The following NPAP1 variants were observed in gnomAD, a reference collection of about 807,000 sequenced individuals.
NPAP1 encodes nuclear pore associated protein 1.
For missense variants in NPAP1, 1,483 were observed against 1,454.5 expected, an observed-to-expected ratio of 1.02 and a Z score of -0.32; for synonymous variants, 616 against 581.4, an observed-to-expected ratio of 1.06 and a Z score of -0.86.
chr15:24,677,144 T>C lies in NPAP1; in HGVS notation c.1277T>C (p.Ile426Thr), dbSNP rs201422992. Residue 426 changes from isoleucine to threonine, a missense_variant, in exon 1 of 1, where the codon ATC (isoleucine) becomes ACC (threonine). Ile to Thr is a moderately conservative substitution (Grantham distance 89). Transcript: ENST00000329468. Reference protein sequence around the residue: ...YTSQVSAPLPIPDLADLATGP... With the variant: ...YTSQVSAPLPTPDLADLATGP... ...TCCCAGGTCTCAGCTCCTTTGCCCA[T>C]CCCTGACTTGGCTGACCTGGCTACT... 1 of 1,614,054 alleles carries C rather than the reference T, an allele frequency of 6.2e-7. No homozygotes were observed. The highest frequency in any genetic ancestry group is 1.1e-5 in the South Asian group (1 of 91,078).
At position 24,682,239 on chromosome 15, in the gene NPAP1, C is replaced by T. The variant is rs1210395025; in HGVS notation, c.*2901C>T. ...TTCCAGAGGATCAAAGCTCCTGTTT[C>T]CTGGCCAGATAATCACCTAACTTTT... On this transcript the variant is annotated 3_prime_UTR_variant, in exon 1 of 1. Transcript: ENST00000329468. 1 of 167,014 alleles carries T rather than the reference C, an allele frequency of 6.0e-6. No individual in the cohort carries two copies. The highest frequency in any genetic ancestry group is 1.5e-5 in the Non-Finnish European group (1 of 68,110). 10.3% of individuals were successfully genotyped at this position (167,014 alleles called of 1,614,324 possible). A position where few individuals can be genotyped will look rare whatever the true frequency, so the allele number is the denominator to read the frequency against.
chr15:24,680,686 T>G lies in NPAP1; in HGVS notation c.*1348T>G, dbSNP rs192419572. On this transcript the variant is annotated 3_prime_UTR_variant, in exon 1 of 1. Coordinates refer to ENST00000329468, the MANE Select transcript of NPAP1 (RefSeq NM_018958.3). ...AGAACCGCACTGTATTTTAGTGGTCTTCTGCACTGTGGAGGGTAGAGGAAA... is the reference window on the plus strand; with the variant it reads ...AGAACCGCACTGTATTTTAGTGGTCGTCTGCACTGTGGAGGGTAGAGGAAA... 3 of 163,344 alleles carry G rather than the reference T, an allele frequency of 1.8e-5. No individual in the cohort carries two copies. The East Asian group carries it at 5.8e-4, about 32-fold the overall frequency. The allele number at this position is 163,344 out of a possible 1,614,324, so 10.1% of individuals were successfully genotyped here.
rs1595614511 is a variant in NPAP1, at chr15:24,675,907, C to T, written c.40C>T (p.Arg14Cys). The change falls in exon 1 of 1, where the codon CGC becomes TGC. Residue 14 changes from arginine to cysteine, a missense_variant. Coordinates refer to ENST00000329468, the MANE Select transcript of NPAP1 (RefSeq NM_018958.3). ...LLSKFRPGCR[R>C]RPLPGPGRGA... Reference sequence around the variant, plus strand: ...TAGTAAATTTAGACCCGGGTGCCGCCGCCGGCCCCTGCCAGGGCCAGGGCG... The same window carrying T: ...TAGTAAATTTAGACCCGGGTGCCGCTGCCGGCCCCTGCCAGGGCCAGGGCG... 1.9e-6 allele frequency: 3 copies of T among 1,579,574 alleles called. No individual in the cohort carries two copies. Among genetic ancestry groups the T allele is most frequent in the East Asian group, 4.7e-5 (2 of 42,686 alleles).
chr15:24,676,101 G>A lies in NPAP1; in HGVS notation c.234G>A (p.Ala78=). 6.4e-7 allele frequency: 1 copy of A among 1,560,764 alleles called. No homozygotes were observed. The highest frequency in any genetic ancestry group is 8.6e-7 in the Non-Finnish European group (1 of 1,156,552). Residue 78 remains alanine, a synonymous_variant, in exon 1 of 1, where the codon GCG becomes GCA. Transcript: ENST00000329468. ...PKRPCPLPRA[A]AAPLGVLPAV... ...GGCCGTGTCCTCTCCCTCGGGCTGC[G>A]GCCGCCCCTCTGGGGGTCCTGCCGG... is the stretch of plus-strand genomic sequence containing the variant.
rs748589522 is a variant in NPAP1 at position 24,678,033 on chromosome 15, A to G, written c.2166A>G (p.Pro722=). The change falls in exon 1 of 1, where the codon CCA becomes CCG. Residue 722 remains proline (P), a synonymous_variant. Coordinates refer to ENST00000329468, the MANE Select transcript of NPAP1 (RefSeq NM_018958.3). ...CCTCTGTCTCCAAGAAGTACCTCCC[A>G]TTTTACCTGGGGCTTCCTGGTTCTG... ...QSASVSKKYL[P]FYLGLPGSGN... 4.3e-6 allele frequency: 7 copies of G among 1,613,466 alleles called. No individual in the cohort carries two copies. The highest frequency in any genetic ancestry group is 5.9e-6 in the Non-Finnish European group (7 of 1,179,962).
Position 24,678,788 on chromosome 15 carries a change from A to G in NPAP1, c.2921A>G (p.Asn974Ser), listed in dbSNP as rs749060463. 24 of 1,614,092 alleles carry G rather than the reference A, an allele frequency of 1.5e-5. No homozygotes were observed. Among genetic ancestry groups the G allele is most frequent in the Middle Eastern group, 1.6e-4 (1 of 6,084 alleles). ...VEGHNASAFP[N>S]GTAKTSGFRI... ...GGTCACAATGCAAGTGCTTTCCCCA[A>G]TGGCACAGCAAAGACTTCTGGATTT... The change falls in exon 1 of 1, where the codon AAT becomes AGT. Residue 974 changes from asparagine to serine, a missense_variant. Physicochemically the swap from Asn to Ser is conservative, Grantham distance 46. Coordinates refer to ENST00000329468, the MANE Select transcript of NPAP1 (RefSeq NM_018958.3).
At chr15:24,676,590 CA>C in the NPAP1 span, 1 of 1,614,068 alleles carries the variant, frequency 6.2e-7, no homozygotes, top group Non-Finnish European at 8.5e-7. Context: ...CCATGCCCAG[CA>C]CACACAGCCA....
In NPAP1 at chr15:24,677,621, A is replaced by G. The variant is rs1025610369; in HGVS notation, c.1754A>G (p.Gln585Arg). Residue 585 changes from glutamine (Q) to arginine (R), a missense_variant, in exon 1 of 1, where the codon CAG becomes CGG. Coordinates refer to ENST00000329468, the MANE Select transcript of NPAP1 (RefSeq NM_018958.3). ...VVNMDTTAPS[Q>R]VVIFTSSLSS... is the part of the protein sequence containing the mutation. ...AATATGGATACTACTGCCCCATCTC[A>G]GGTTGTTATTTTCACATCTTCCCTA... 2 of 1,614,078 alleles carry G rather than the reference A, an allele frequency of 1.2e-6. No homozygotes were observed. Among genetic ancestry groups the G allele is most frequent in the Non-Finnish European group, 1.7e-6 (2 of 1,179,988 alleles).
Position 24,677,107 on chromosome 15 carries a change from A to G in NPAP1, c.1240A>G (p.Thr414Ala), listed in dbSNP as rs769194891. The G allele has an allele frequency of 6.2e-7, 1 of 1,614,026 alleles. No individual in the cohort carries two copies. The highest frequency in any genetic ancestry group is 8.5e-7 in the Non-Finnish European group (1 of 1,180,012). ...PVQTTDSLPLTTYTSQVSAPL... is the reference protein window; with the variant it reads ...PVQTTDSLPLATYTSQVSAPL... ...GCAGACCACAGACTCCCTGCCCCTGACCACTTACACTTCCCAGGTCTCAGC... is the reference window on the plus strand; with the variant it reads ...GCAGACCACAGACTCCCTGCCCCTGGCCACTTACACTTCCCAGGTCTCAGC... Residue 414 changes from threonine (T) to alanine (A), a missense_variant, in exon 1 of 1, where the codon ACC (threonine) becomes GCC (alanine). Transcript: ENST00000329468.
Position 24,675,917 on chromosome 15 carries a change from T to TGCCAGG in NPAP1, c.59_64dup (p.Pro20_Gly21dup). Reference sequence around the variant, plus strand: ...AGACCCGGGTGCCGCCGCCGGCCCCTGCCAGGGCCAGGGCGTGGCGCCCCC... The same window carrying TGCCAGG: ...AGACCCGGGTGCCGCCGCCGGCCCCTGCCAGGGCCAGGGCCAGGGCGTGGCGCCCCC... On this transcript the variant is annotated inframe_insertion, in exon 1 of 1. Transcript: ENST00000329468. The TGCCAGG allele has an allele frequency of 6.3e-7, 1 of 1,585,060 alleles. No individual in the cohort carries two copies.
Position 24,679,359 on chromosome 15 carries a change from A to T in NPAP1, c.*21A>T, listed in dbSNP as rs2049002146. On this transcript the variant is annotated 3_prime_UTR_variant, in exon 1 of 1. Coordinates refer to ENST00000329468, the MANE Select transcript of NPAP1 (RefSeq NM_018958.3). ...CGTAAGAGCACCTGTGGTTCACCTG[A>T]TCACACCACATCAGTTGTGGTTGTA... The T allele has an allele frequency of 6.7e-7, 1 of 1,491,128 alleles. No individual in the cohort carries two copies. Among genetic ancestry groups the T allele is most frequent in the African/African-American group, 1.4e-5 (1 of 72,308 alleles). 92.4% of individuals were successfully genotyped at this position (1,491,128 alleles called of 1,614,324 possible).
At position 24,678,206 on chromosome 15, in the gene NPAP1, C is replaced by T. The variant is rs139282108; in HGVS notation, c.2339C>T (p.Pro780Leu). 4.8e-5 allele frequency: 77 copies of T among 1,608,718 alleles called. No homozygotes were observed. Among genetic ancestry groups the T allele is most frequent in the Non-Finnish European group, 5.5e-5 (65 of 1,178,102 alleles). Residue 780 changes from proline (P) to leucine (L), a missense_variant, in exon 1 of 1, where the codon CCG (proline) becomes CTG (leucine). Coordinates refer to ENST00000329468, the MANE Select transcript of NPAP1 (RefSeq NM_018958.3). Reference protein sequence around the residue: ...PQPKFGAPDGPQQKTSLPSAH... With the variant: ...PQPKFGAPDGLQQKTSLPSAH... ...CCCAAATTTGGGGCCCCTGATGGGC[C>T]GCAGCAGAAAACCTCTCTCCCCAGT...
rs758164684 is a variant in NPAP1 at position 24,675,887 on chromosome 15, A to T, written c.20A>T (p.Lys7Ile). The change falls in exon 1 of 1, where the codon AAA (lysine) becomes ATA (isoleucine). Residue 7 changes from lysine to isoleucine, a missense_variant. Lys to Ile is a moderately radical substitution (Grantham distance 102). Transcript: ENST00000329468. Reference sequence around the variant, plus strand: ...CTCTAAATGGGCAATTTACTTAGTAAATTTAGACCCGGGTGCCGCCGCCGG... The same window carrying T: ...CTCTAAATGGGCAATTTACTTAGTATATTTAGACCCGGGTGCCGCCGCCGG... MGNLLS[K>I]FRPGCRRRPL... 2.5e-6 allele frequency: 4 copies of T among 1,572,234 alleles called. No individual in the cohort carries two copies. The highest frequency in any genetic ancestry group is 1.2e-5 in the South Asian group (1 of 86,124).
In NPAP1 at chr15:24,676,630, C is replaced by T. The variant is rs2141308431; in HGVS notation, c.763C>T (p.Pro255Ser). 1 of 1,613,852 alleles carries T rather than the reference C, an allele frequency of 6.2e-7. No individual in the cohort carries two copies. Among genetic ancestry groups the T allele is most frequent in the Non-Finnish European group, 8.5e-7 (1 of 1,179,920 alleles). ...CGGATGTGCCCGGCATCTTGGAAAG[C>T]CTGATCCGGATGCAACAGCGCCCCC... ...QAGCARHLGK[P>S]DPDATAPPEP... The change falls in exon 1 of 1, where the codon CCT (proline) becomes TCT (serine). Residue 255 changes from proline (P) to serine (S), a missense_variant. Transcript: ENST00000329468.
Position 24,677,584 on chromosome 15 carries a change from C to T in NPAP1, c.1717C>T (p.Pro573Ser), listed in dbSNP as rs2048985720. The T allele has an allele frequency of 2.5e-6, 4 of 1,614,108 alleles. No individual in the cohort carries two copies. The highest frequency in any genetic ancestry group is 3.4e-6 in the Non-Finnish European group (4 of 1,180,018). The change falls in exon 1 of 1, where the codon CCT (proline) becomes TCT (serine). Residue 573 changes from proline to serine, a missense_variant. Pro to Ser is a moderately conservative substitution (Grantham distance 74, BLOSUM62 -1). Transcript: ENST00000329468. The part of the protein sequence containing the change: ...AHLTSQTAVD[P>S]EVVNMDTTAP... ...CCTAACCTCACAGACTGCGGTAGAC[C>T]CTGAAGTAGTTAATATGGATACTAC...
Position 24,675,977 on chromosome 15 carries a change from G to A in NPAP1, c.110G>A (p.Arg37Gln), listed in dbSNP as rs772577429. 17 of 1,595,382 alleles carry A rather than the reference G, an allele frequency of 1.1e-5. No individual in the cohort carries two copies. Among genetic ancestry groups the A allele is most frequent in the South Asian group, 7.8e-5 (7 of 89,520 alleles). The change falls in exon 1 of 1, where the codon CGG becomes CAG. Residue 37 changes from arginine to glutamine, a missense_variant. Physicochemically the swap from Arg to Gln is conservative, Grantham distance 43. Transcript: ENST00000329468. ...PLSRDASPPG[R>Q]AHSVPTPRPF... ...TCCCGGGACGCCTCCCCGCCCGGTCGGGCTCACTCTGTACCCACCCCGCGC... is the reference window on the plus strand; with the variant it reads ...TCCCGGGACGCCTCCCCGCCCGGTCAGGCTCACTCTGTACCCACCCCGCGC...
rs767758329 is a variant in NPAP1, at chr15:24,677,895, A to G, written c.2028A>G (p.Pro676=). The change falls in exon 1 of 1, where the codon CCA becomes CCG. Residue 676 remains proline (P), a synonymous_variant. Coordinates refer to ENST00000329468, the MANE Select transcript of NPAP1 (RefSeq NM_018958.3). ...TGAGCCTTCCCATCATTCCTCCTCC[A>G]GACACCTCCACTTTAGTGAACAGTG... ...VFLSLPIIPP[P]DTSTLVNSAS... The G allele has an allele frequency of 2.5e-6, 4 of 1,613,624 alleles. No homozygotes were observed. Among genetic ancestry groups the G allele is most frequent in the Non-Finnish European group, 3.4e-6 (4 of 1,179,990 alleles).
At position 24,676,898 on chromosome 15, in the gene NPAP1, T is replaced by C. The variant is rs1165318934; in HGVS notation, c.1031T>C (p.Leu344Ser). Residue 344 changes from leucine to serine, a missense_variant, in exon 1 of 1, where the codon TTG becomes TCG. By Grantham distance (145) the Leu-to-Ser change is moderately radical. Transcript: ENST00000329468. ...CTGCCGCTGCCCCCTTCACTGCCAT[T>C]GCTGTGGGATCGAGGTGAGCTTCCC... is the stretch of plus-strand genomic sequence containing the variant. Reference protein sequence around the residue: ...LLLPLPPSLPLLWDRGELPPP... With the variant: ...LLLPLPPSLPSLWDRGELPPP... 6.2e-7 allele frequency: 1 copy of C among 1,613,590 alleles called. No homozygotes were observed. Among genetic ancestry groups the C allele is most frequent in the Non-Finnish European group, 8.5e-7 (1 of 1,180,032 alleles).
In NPAP1 at chr15:24,677,972, C is replaced by T. The variant is rs752619756; in HGVS notation, c.2105C>T (p.Thr702Ile). ...KPPIETNAMH[T>I]TPPSKAVILQ... ...CCCATTGAAACCAATGCTATGCATA[C>T]CACTCCTCCTTCCAAGGCTGTCATC... is the stretch of plus-strand genomic sequence containing the variant. The change falls in exon 1 of 1, where the codon ACC becomes ATC. Residue 702 changes from threonine (T) to isoleucine (I), a missense_variant. Coordinates refer to ENST00000329468, the MANE Select transcript of NPAP1 (RefSeq NM_018958.3). 6.2e-7 allele frequency: 1 copy of T among 1,613,826 alleles called. No individual in the cohort carries two copies. Among genetic ancestry groups the T allele is most frequent in the South Asian group, 1.1e-5 (1 of 91,062 alleles).
Sources: allele counts gnomAD v4.1 joint callset, GRCh38; gene constraint gnomAD v4.1.1; transcripts MANE v1.5; gene names NCBI Gene and HGNC (gene_info 2026-07-23, HGNC 2026-07-21).